Variants in PCDHGB1 observed in about 807,000 individuals in gnomAD.
The protein encoded by PCDHGB1 is protocadherin gamma-B1.
PCDHGB1 carries 34 observed loss-of-function variants against 56.6 expected under a neutral mutation model. The ratio of observed to expected loss-of-function variants is 0.60; its 90% CI spans 0.46 to 0.80. PCDHGB1 has a LOEUF of 0.80. Ranked by LOEUF, PCDHGB1 falls within the 30% of genes least tolerant of loss-of-function variation. PCDHGB1 has a pLI of 0.00. For synonymous variants in PCDHGB1, 561 were observed against 505.9 expected (o/e 1.11, Z -1.46); for missense variants, 1,278 against 1,204.6 (o/e 1.06, Z -0.90).
chr5:141,404,917 G>A (rs750464541), intron 1 of PCDHGB1: 37 of 1,613,652 alleles, frequency 2.3e-5, no homozygotes, highest in Middle Eastern at 3.3e-4. Flanking sequence ...CCCCTCTCTC[G>A]GCCACTGTCA....
chr5:141,402,760 G>A (rs2094303871), intron 1 of PCDHGB1, among the ~76,000 whole-genome samples: 1 of 152,176 alleles, frequency 6.6e-6, no homozygotes, highest in African/African-American at 2.4e-5. Flanking sequence ...CGAAAATCAG[G>A]ACTCCATCCG....
chr5:141,411,969 T>G (rs2095526864), intron 1 of PCDHGB1: 1 of 152,258 alleles, frequency 6.6e-6, no homozygotes, highest in Non-Finnish European at 1.5e-5. Context: ...ATAAAATCTT[T>G]GAAGAGTTCT....
chr5:141,356,313 G>T, intron 1 of PCDHGB1: 2 of 1,554,238 alleles, frequency 1.3e-6, no homozygotes, highest in Non-Finnish European at 1.7e-6. Flanking sequence ...TTTTCAACGT[G>T]CATGACAGTG....
Position 141,485,795 on chromosome 5 carries a change from T to G in PCDHGB1, c.2410-9012T>G, listed in dbSNP as rs1225630684. On this transcript the variant is annotated intron_variant, in intron 1 of 3. Coordinates refer to ENST00000523390, the MANE Select transcript of PCDHGB1 (RefSeq NM_018922.3). The surrounding 1 kb of genome is among the most constrained non-coding windows in gnomAD (Gnocchi z 5.7). ...TTTGGATCGAGAGAAGCAATCGGAC[T>G]ACCGCCTGGTGCTGACTGCTGTCGA... 16 of 1,614,092 alleles carry G rather than the reference T, an allele frequency of 9.9e-6. No individual in the cohort carries two copies. The highest frequency in any genetic ancestry group is 1.1e-5 in the Non-Finnish European group (13 of 1,180,046).
At chr5:141,355,336 G>A (rs1759805102) in intron 1 of PCDHGB1, 1 of 1,613,888 alleles carries the variant, frequency 6.2e-7, no homozygotes, top group African/African-American at 1.3e-5. Flanking sequence ...CTCAGTGGTG[G>A]GCAACATCGC....
rs149653507 is a variant in PCDHGB1 at position 141,469,869 on chromosome 5, G to A, written c.2410-24938G>A. Among the ~76,000 whole-genome samples, 591 of 152,290 alleles carry A rather than the reference G, an allele frequency of 3.9e-3. 6 individuals are homozygous for A. Among genetic ancestry groups the A allele is most frequent in the Admixed American group, 0.011 (171 of 15,304 alleles). On this transcript the variant is annotated intron_variant, in intron 1 of 3. Transcript: ENST00000523390. ...ATTCAGACCGGGTGCAATGGCTCACGCCTGTAATCTCGGCACTTTGGGAAG... is the reference window on the plus strand; with the variant it reads ...ATTCAGACCGGGTGCAATGGCTCACACCTGTAATCTCGGCACTTTGGGAAG...
At chr5:141,498,964 G>A (rs1342764380) in intron 2 of PCDHGB1, among the ~76,000 whole-genome samples, 2 of 127,572 alleles carry the variant, frequency 1.6e-5, no homozygotes, top group Admixed American at 8.7e-5. Context: ...AGAGAGGGAG[G>A]GAGGGAGGGA....
chr5:141,442,930 T>C (rs77210959), intron 1 of PCDHGB1, among the ~76,000 whole-genome samples: 6,420 of 152,302 alleles, frequency 0.042, 216 homozygotes, highest in African/African-American at 0.092. Flanking sequence ...TCATTTTCTA[T>C]TTAAGAAACT....
At chr5:141,474,323 C>T (rs1176074252) in intron 1 of PCDHGB1, among the ~76,000 whole-genome samples, 2 of 152,186 alleles carry the variant, frequency 1.3e-5, no homozygotes, top group Non-Finnish European at 2.9e-5. Context: ...GTTTTCAAAT[C>T]ACCCTGATGT....
rs1167295957 is a variant in PCDHGB1 at position 141,382,977 on chromosome 5, CT to C, written c.2409+30309del. On this transcript the variant is annotated intron_variant, in intron 1 of 3. Coordinates refer to ENST00000523390, the MANE Select transcript of PCDHGB1 (RefSeq NM_018922.3). Reference sequence around the variant, plus strand: ...TCCTCCTGGGGACCCCCTGGGAAGCCTGGGCAGGACGTATTCTCTACTCCGT... The same window carrying C: ...TCCTCCTGGGGACCCCCTGGGAAGCCGGGCAGGACGTATTCTCTACTCCGT... The C allele has an allele frequency of 4.3e-6, 7 of 1,610,566 alleles. No homozygotes were observed. The South Asian group carries it at 7.7e-5, about 18-fold the overall frequency.
Position 141,371,259 on chromosome 5 carries a change from A to T in PCDHGB1, c.2409+18590A>T, listed in dbSNP as rs767414793. 5 of 1,613,926 alleles carry T rather than the reference A, an allele frequency of 3.1e-6. No individual in the cohort carries two copies. In the African/African-American group the frequency reaches 6.7e-5, roughly 22 times the overall value. ...CTTCATCAATATTGGCAAGGAAGTG[A>T]GACAACTGTTCAAGCTGGACAGTAA... On this transcript the variant is annotated intron_variant, in intron 1 of 3. Transcript: ENST00000523390.
At position 141,511,181 on chromosome 5, in the gene PCDHGB1, G is replaced by A. The variant is rs1301391138; in HGVS notation, c.*8G>A. On this transcript the variant is annotated 3_prime_UTR_variant, in exon 4 of 4. Transcript: ENST00000523390. Reference sequence around the variant, plus strand: ...AAGAAGGAGAAGAAGTAACATGGAGGCCAGGCCAAGAGCCACAGGGCGGCC... The same window carrying A: ...AAGAAGGAGAAGAAGTAACATGGAGACCAGGCCAAGAGCCACAGGGCGGCC... 6.2e-7 allele frequency: 1 copy of A among 1,614,016 alleles called. No homozygotes were observed. The highest frequency in any genetic ancestry group is 1.7e-5 in the Admixed American group (1 of 60,016).
chr5:141,366,410 G>A, intron 1 of PCDHGB1: 1 of 1,614,204 alleles, frequency 6.2e-7, no homozygotes, highest in Non-Finnish European at 8.5e-7. Context: ...ACTCTATCTT[G>A]TGGTGGCAGT....
intron 1 of PCDHGB1, chr5:141,398,743 A>G: frequency 6.2e-7 from 1 of 1,613,864 alleles, no homozygotes; most frequent in Non-Finnish European, 8.5e-7. Flanking sequence ...GGAACAACAG[A>G]GTTACCATCG....
At chr5:141,402,881 G>T in intron 1 of PCDHGB1, 1 of 1,477,920 alleles carries the variant, frequency 6.8e-7, no homozygotes. Context: ...ATACTTTGCA[G>T]GGTGGAAGAA....
At chr5:141,358,973 T>A (rs1455401871) in intron 1 of PCDHGB1, among the ~76,000 whole-genome samples, 2 of 152,246 alleles carry the variant, frequency 1.3e-5, no homozygotes, top group African/African-American at 4.8e-5. Context: ...CTGTGAGAAT[T>A]CAAAATTCAT....
intron 1 of PCDHGB1, chr5:141,387,800 T>G: frequency 4.6e-6 from 7 of 1,509,374 alleles, no homozygotes; most frequent in Non-Finnish European, 6.2e-6. Context: ...TAAAGTCCGT[T>G]CGGAGATCCA....
chr5:141,481,030 C>A (rs1277171839), intron 1 of PCDHGB1, among the ~76,000 whole-genome samples: 1 of 152,024 alleles, frequency 6.6e-6, no homozygotes, highest in African/African-American at 2.4e-5. Context: ...TGCACTCCAG[C>A]CTGGGCGACA....
chr5:141,505,486 G>A lies in PCDHGB1; in HGVS notation c.2557+5G>A, dbSNP rs1291166546. The A allele has an allele frequency of 1.8e-5, 29 of 1,614,088 alleles. No homozygotes were observed. The highest frequency in any genetic ancestry group is 2.1e-5 in the Non-Finnish European group (25 of 1,180,018). On this transcript the variant is annotated splice_donor_5th_base_variant and intron_variant, in intron 3 of 3. Transcript: ENST00000523390. ...TGATCTTGGCGTCCGCCAGTGGTAA[G>A]TGGTGTCAGTGTGTGTATGGAAGAG...
Sources: gnomAD v4.1 joint callset for allele counts (sites outside exome capture counted in the v4.1 genomes callset) on GRCh38, gnomAD v4.1.1 for gene constraint, Gnocchi (gnomAD v3.1) non-coding constraint, MANE v1.5 for transcripts, NCBI Gene and HGNC (gene_info 2026-07-23, HGNC 2026-07-21) for gene names.